NOL10: variants seen among roughly 807,000 people sequenced by gnomAD.
The protein encoded by NOL10 is nucleolar protein 10.
In NOL10, 58 loss-of-function variants were observed where a neutral mutation model predicts 103.5. The observed-to-expected ratio is 0.56, with a 90% CI of 0.45 to 0.70. NOL10 has a LOEUF of 0.70. Among genes scored for constraint, NOL10 ranks in the 30% least tolerant of loss-of-function variants. NOL10 has a pLI of 0.00. For synonymous variants in NOL10, 287 were observed against 282.5 expected, an observed-to-expected ratio of 1.02 and a Z score of -0.16; for missense variants, 763 against 807.3, an observed-to-expected ratio of 0.95 and a Z score of 0.67.
At chr2:10,636,420 C>CA (rs70953327) in intron 13 of NOL10, among the ~76,000 whole-genome samples, 1,757 of 54,692 alleles carry the variant, frequency 0.032, 118 homozygotes, top group African/African-American at 0.092. Context: ...TACAAAAAAC[C>CA]AAAAAAAAAA....
intron 11 of NOL10, among the ~76,000 whole-genome samples, chr2:10,656,703 G>A (rs1030671819): frequency 6.6e-6 from 1 of 152,228 alleles, no homozygotes; most frequent in Non-Finnish European, 1.5e-5. Context: ...GGGCACTTGC[G>A]CTTAGGCACG....
At chr2:10,583,778 T>C (rs1178210369) in intron 19 of NOL10, among the ~76,000 whole-genome samples, 1 of 152,238 alleles carries the variant, frequency 6.6e-6, no homozygotes. Context: ...ATGATTCTAA[T>C]GGTTTGAGAG....
At chr2:10,621,869 A>G (rs1350070199) in intron 13 of NOL10, among the ~76,000 whole-genome samples, 1 of 152,274 alleles carries the variant, frequency 6.6e-6, no homozygotes, top group Non-Finnish European at 1.5e-5. Flanking sequence ...CATGTGGTCT[A>G]AGGAAGTAGC....
intron 8 of NOL10, among the ~76,000 whole-genome samples, chr2:10,666,686 T>C (rs1339717789): frequency 1.0e-5 from 1 of 97,364 alleles, no homozygotes; most frequent in Non-Finnish European, 2.0e-5. Flanking sequence ...AAGATGTATA[T>C]TATATACTGT....
intron 13 of NOL10, among the ~76,000 whole-genome samples, chr2:10,628,073 TCAAA>T (rs777558670): frequency 2.6e-5 from 4 of 152,116 alleles, no homozygotes; most frequent in Non-Finnish European, 5.9e-5. Context: ...TCCCACACCC[TCAAA>T]CAATGAAAAC....
rs567897994 is a variant in NOL10 at position 10,611,970 on chromosome 2, T to G, written c.1027-4659A>C. On this transcript the variant is annotated intron_variant, in intron 13 of 20. Coordinates refer to ENST00000381685, the MANE Select transcript of NOL10 (RefSeq NM_024894.4). ...CAAAAACAAAAACAGACTGTTAAAA[T>G]TAGCTGGGCATGATGGCATGTACCT... 1.1e-3 allele frequency among the ~76,000 whole-genome samples: 166 copies of G among 151,828 alleles called. 1 individual carries two copies. The highest frequency in any genetic ancestry group is 3.9e-3 in the African/African-American group (162 of 41,390).
chr2:10,667,318 C>T lies in NOL10; in HGVS notation c.531-40G>A, dbSNP rs768612486. 5.0e-6 allele frequency: 7 copies of T among 1,392,134 alleles called. No homozygotes were observed. The Middle Eastern group carries it at 5.3e-4, about 105-fold the overall frequency. 86.2% of individuals were successfully genotyped at this position (1,392,134 alleles called of 1,614,324 possible). On this transcript the variant is annotated intron_variant, in intron 7 of 20. Transcript: ENST00000381685. ...CAGTAAGAAAGAATGAATTAGTTAG[C>T]ACCTACTTTAGTGGGGAAGGAATAT... is the stretch of plus-strand genomic sequence containing the variant.
At chr2:10,673,099 G>A (rs1681058564) in intron 5 of NOL10, among the ~76,000 whole-genome samples, 1 of 151,896 alleles carries the variant, frequency 6.6e-6, no homozygotes, top group Non-Finnish European at 1.5e-5. Flanking sequence ...CATTTGCAAA[G>A]TTAAAAAAAA....
chr2:10,679,020 T>C (rs918352930), intron 3 of NOL10, among the ~76,000 whole-genome samples: 2 of 152,088 alleles, frequency 1.3e-5, no homozygotes, highest in African/African-American at 4.8e-5. Flanking sequence ...TCCAGGAGTT[T>C]GAGACCAATG....
At chr2:10,685,912 A>AC (rs199563501) in intron 1 of NOL10, among the ~76,000 whole-genome samples, 26 of 110,544 alleles carry the variant, frequency 2.4e-4, no homozygotes, top group South Asian at 1.3e-3. Flanking sequence ...AAAAAAAAAA[A>AC]GCAGCTGGGC....
chr2:10,604,383 A>G (rs144937085), intron 14 of NOL10, among the ~76,000 whole-genome samples: 27 of 152,372 alleles, frequency 1.8e-4, no homozygotes, highest in African/African-American at 5.3e-4. Flanking sequence ...ATAAAATAGT[A>G]TATGTTATAG....
At chr2:10,644,426 T>C in intron 12 of NOL10, 54 bp from the exon 13 acceptor site, 5 of 1,308,948 alleles carry the variant, frequency 3.8e-6, no homozygotes, top group Non-Finnish European at 5.2e-6. Flanking sequence ...AAAGTACCCT[T>C]TTCTATTTGC....
At chr2:10,659,618 G>T (rs1405680503) in intron 9 of NOL10, among the ~76,000 whole-genome samples, 1 of 152,126 alleles carries the variant, frequency 6.6e-6, no homozygotes, top group Non-Finnish European at 1.5e-5. Context: ...GGGAGGTCAA[G>T]GCTGCAGTGA....
chr2:10,607,750 T>TTTTTTATTATTA (rs70953321), intron 13 of NOL10, among the ~76,000 whole-genome samples: 35,861 of 144,500 alleles, frequency 0.25, 5,412 homozygotes, highest in Non-Finnish European at 0.34. Context: ...AAAAACAATA[T>TTTTTTATTATTA]TTATTATTAT....
intron 12 of NOL10, among the ~76,000 whole-genome samples, chr2:10,650,276 T>A (rs1679370262): frequency 6.6e-6 from 1 of 151,372 alleles, no homozygotes; most frequent in African/African-American, 2.4e-5. Context: ...TCCTCCTGCT[T>A]CAGCCCTTAG....
At chr2:10,624,558 G>C (rs1305391456) in intron 13 of NOL10, among the ~76,000 whole-genome samples, 9 of 151,410 alleles carry the variant, frequency 5.9e-5, no homozygotes, top group Non-Finnish European at 5.9e-5. Flanking sequence ...GGTAACAAAA[G>C]TCCAGGAAAA....
Position 10,657,754 on chromosome 2 carries a change from C to T in NOL10, c.894G>A (p.Trp298Ter). 1 of 1,549,860 alleles carries T rather than the reference C, an allele frequency of 6.5e-7. No homozygotes were observed. Among genetic ancestry groups the T allele is most frequent in the South Asian group, 1.2e-5 (1 of 83,308 alleles). Residue 298 changes from tryptophan to a stop codon, truncating the protein, a stop_gained, in exon 11 of 21, where the codon TGG becomes TGA. Coordinates refer to ENST00000381685, the MANE Select transcript of NOL10 (RefSeq NM_024894.4). LOFTEE classifies it high-confidence loss of function. ...CAAAAATACATACGGAGTTCTTATTCCACATCTTGACAATTCGAGAGTCAG... is the reference window on the plus strand; with the variant it reads ...CAAAAATACATACGGAGTTCTTATTTCACATCTTGACAATTCGAGAGTCAG... ...LSADSRIVKM[W>*]NKNSGKIFTS... is the part of the protein sequence containing the mutation.
rs1553292676 is a variant in NOL10 at position 10,572,020 on chromosome 2, GT to G, written c.*50del. 6.2e-7 allele frequency: 1 copy of G among 1,605,434 alleles called. No individual in the cohort carries two copies. The highest frequency in any genetic ancestry group is 1.3e-5 in the African/African-American group (1 of 74,788). ...GTGTTTAACACCCTAACGATGATCA[GT>G]TTGGGGGAGACGTACCCCTCCCTAA... On this transcript the variant is annotated 3_prime_UTR_variant, in exon 21 of 21. Coordinates refer to ENST00000381685, the MANE Select transcript of NOL10 (RefSeq NM_024894.4).
rs560728582 is a variant in NOL10, at chr2:10,639,584, G to A, written c.1026+4736C>T. 8.4e-4 allele frequency among the ~76,000 whole-genome samples: 128 copies of A among 152,268 alleles called. No individual in the cohort carries two copies. The South Asian group carries it at 0.015, about 18-fold the overall frequency. On this transcript the variant is annotated intron_variant, in intron 13 of 20. Transcript: ENST00000381685. ...GATATGCTAGGGGCTCGGAATTCAG[G>A]AGCATTTCCAACAGAAACACCATTA... is the stretch of plus-strand genomic sequence containing the variant.
Sources: gnomAD v4.1 joint callset for allele counts (sites outside exome capture counted in the v4.1 genomes callset) on GRCh38, gnomAD v4.1.1 for gene constraint, MANE v1.5 for transcripts, NCBI Gene and HGNC (gene_info 2026-07-23, HGNC 2026-07-21) for gene names.